Variants in ADAMTS20 observed in about 807,000 individuals in gnomAD.
ADAMTS20 encodes ADAM metallopeptidase with thrombospondin type 1 motif 20.
Under a neutral mutation model 260.1 loss-of-function variants are expected in ADAMTS20, and 225 were observed. The ratio of observed to expected loss-of-function variants is 0.87; its 90% CI spans 0.78 to 0.97. The LOEUF (loss-of-function observed/expected upper bound fraction) is 0.97, where lower values mean the gene tolerates loss of function less well. ADAMTS20 is among the 50% of genes least tolerant of loss of function. The pLI is 0.00. For missense variants in ADAMTS20, 2,400 were observed against 2,337.7 expected, an observed-to-expected ratio of 1.03 and a Z score of -0.55; for synonymous variants, 802 against 769.5, an observed-to-expected ratio of 1.04 and a Z score of -0.70.
At position 43,551,230 on chromosome 12, in the gene ADAMTS20, G is replaced by T. The variant is rs2137538018; in HGVS notation, c.132C>A (p.Ile44=). ...VRTLTSYEVV[I]PERVNEFGEV... ...CTCCAAACTCATTGACCCGCTCGGG[G>T]ATCACTACTTCGTAGGAGGTCAGTG... is the stretch of plus-strand genomic sequence containing the variant. Residue 44 remains isoleucine (I), a synonymous_variant, in exon 2 of 39, where the codon ATC becomes ATA. Transcript: ENST00000389420. This position sits in a 1 kb window ranked among gnomAD's most constrained non-coding sequence, Gnocchi z 4.6. 1 of 1,613,838 alleles carries T rather than the reference G, an allele frequency of 6.2e-7. No individual in the cohort carries two copies. The highest frequency in any genetic ancestry group is 8.5e-7 in the Non-Finnish European group (1 of 1,179,856).
chr12:43,353,719 T>C (rs1477921290), downstream of ADAMTS20: 2 of 152,182 alleles, frequency 1.3e-5, no homozygotes, highest in East Asian at 3.8e-4. Context: ...TGTGCTTTTT[T>C]ATGTAACTAT....
At chr12:43,489,986 T>C (rs7315383) in intron 7 of ADAMTS20, among the ~76,000 whole-genome samples, 17,584 of 151,842 alleles carry the variant, frequency 0.12, 1,137 homozygotes, top group Admixed American at 0.21. Flanking sequence ...ACAGAAGGAA[T>C]TGGTAAATAC....
intron 29 of ADAMTS20, among the ~76,000 whole-genome samples, chr12:43,390,324 AT>A (rs1164545585): frequency 6.6e-6 from 1 of 152,214 alleles, no homozygotes; most frequent in Non-Finnish European, 1.5e-5. Flanking sequence ...ATTCAAACTA[AT>A]CAAACTAATC....
intron 28 of ADAMTS20, among the ~76,000 whole-genome samples, chr12:43,405,417 C>CTAA (rs66970122): frequency 0.07 from 9,455 of 135,622 alleles, 399 homozygotes; most frequent in Non-Finnish European, 0.099. Context: ...GACGTCTTCT[C>CTAA]TAATAATAAT....
chr12:43,494,055 G>T (rs113709188), intron 4 of ADAMTS20, among the ~76,000 whole-genome samples: 1 of 152,162 alleles, frequency 6.6e-6, no homozygotes, highest in Admixed American at 6.5e-5. Context: ...TGCAGTAGGG[G>T]TGTCTTCCAT....
chr12:43,403,710 T>C (rs947219028), intron 28 of ADAMTS20, among the ~76,000 whole-genome samples: 6 of 151,772 alleles, frequency 4.0e-5, no homozygotes, highest in African/African-American at 1.5e-4. Flanking sequence ...CAAAGTAAAA[T>C]AAAATCAATA....
At chr12:43,546,135 C>T (rs189458547) in intron 2 of ADAMTS20, among the ~76,000 whole-genome samples, 1 of 152,122 alleles carries the variant, frequency 6.6e-6, no homozygotes, top group African/African-American at 2.4e-5. Flanking sequence ...TGCCAGAATA[C>T]ACAAAAAACA....
At chr12:43,397,883 A>T (rs1940736236) in intron 29 of ADAMTS20, among the ~76,000 whole-genome samples, 1 of 152,196 alleles carries the variant, frequency 6.6e-6, no homozygotes, top group Admixed American at 6.5e-5. Context: ...ATTTTTACTC[A>T]ATTTGGAAGG....
At chr12:43,359,627 T>C (rs537824497) in intron 37 of ADAMTS20, among the ~76,000 whole-genome samples, 30 of 152,164 alleles carry the variant, frequency 2.0e-4, no homozygotes, top group African/African-American at 6.0e-4. Flanking sequence ...TCAAGACGTA[T>C]GGTGTTGGTG....
chr12:43,478,283 C>G (rs189473519), intron 7 of ADAMTS20, among the ~76,000 whole-genome samples: 1 of 151,194 alleles, frequency 6.6e-6, no homozygotes, highest in East Asian at 1.9e-4. Flanking sequence ...GGGTGAAATA[C>G]CAGATTAGAC....
At chr12:43,545,527 C>T (rs1943430839) in intron 2 of ADAMTS20, among the ~76,000 whole-genome samples, 1 of 152,212 alleles carries the variant, frequency 6.6e-6, no homozygotes, top group South Asian at 2.1e-4. Flanking sequence ...TCAAAGTTTA[C>T]ACAGCACTTT....
chr12:43,546,588 T>C (rs1343123590), intron 2 of ADAMTS20, among the ~76,000 whole-genome samples: 1 of 152,152 alleles, frequency 6.6e-6, no homozygotes, highest in Non-Finnish European at 1.5e-5. Flanking sequence ...GATCTCTAAA[T>C]ACGTTGGCAA....
intron 29 of ADAMTS20, among the ~76,000 whole-genome samples, chr12:43,393,025 A>G (rs1049119333): frequency 1.3e-5 from 2 of 152,036 alleles, no homozygotes; most frequent in African/African-American, 4.8e-5. Flanking sequence ...ATGTATTTAC[A>G]AGATTTTTAT....
At chr12:43,432,246 TAC>T in intron 21 of ADAMTS20, 56 bp downstream of exon 21, 1 of 1,529,648 alleles carries the variant, frequency 6.5e-7, no homozygotes, top group Non-Finnish European at 8.9e-7. Context: ...AGTCTTAGAT[TAC>T]AAAGCTTTAC....
At chr12:43,358,943 G>T (rs1347685995) in intron 37 of ADAMTS20, among the ~76,000 whole-genome samples, 1 of 141,824 alleles carries the variant, frequency 7.1e-6, no homozygotes, top group Non-Finnish European at 1.5e-5. Context: ...AAGTGAGTGT[G>T]AATAAGTGTG....
intron 28 of ADAMTS20, among the ~76,000 whole-genome samples, chr12:43,424,766 C>T (rs528643825): frequency 3.3e-5 from 5 of 151,656 alleles, no homozygotes; most frequent in East Asian, 3.9e-4. Flanking sequence ...AAACATAAAA[C>T]GGAGAAAAAT....
At chr12:43,360,556 C>T (rs1228765738) in intron 37 of ADAMTS20, among the ~76,000 whole-genome samples, 1 of 151,970 alleles carries the variant, frequency 6.6e-6, no homozygotes, top group African/African-American at 2.4e-5. Context: ...ATTTGAGTCC[C>T]CAATCATTAA....
chr12:43,451,432 A>G (rs1209354529), intron 14 of ADAMTS20, among the ~76,000 whole-genome samples: 1 of 152,006 alleles, frequency 6.6e-6, no homozygotes, highest in African/African-American at 2.4e-5. Context: ...CAATATGCAA[A>G]TCGAATCACA....
Position 43,493,200 on chromosome 12 carries a change from C to G in ADAMTS20, c.921G>C (p.Val307=). ...CACGGTGAATCATAACTAATTTTAC[C>G]ACTACTATGTGTATCAAATTTCCAA... ...PSIGNLIHIV[V]VKLVMIHREE... The change falls in exon 5 of 39, where the codon GTG becomes GTC. Residue 307 remains valine, a synonymous_variant. Transcript: ENST00000389420. 1 of 1,562,776 alleles carries G rather than the reference C, an allele frequency of 6.4e-7. No homozygotes were observed. Among genetic ancestry groups the G allele is most frequent in the Non-Finnish European group, 8.7e-7 (1 of 1,152,430 alleles).
Sources: allele counts gnomAD v4.1 joint callset (sites outside exome capture counted in the v4.1 genomes callset), GRCh38; gene constraint gnomAD v4.1.1; non-coding constraint Gnocchi (gnomAD v3.1); transcripts MANE v1.5; gene names NCBI Gene and HGNC (gene_info 2026-07-23, HGNC 2026-07-21).